MACO1: variants seen among roughly 807,000 people sequenced by gnomAD.
The protein encoded by MACO1 is macoilin 1.
Under a neutral mutation model 78.7 loss-of-function variants are expected in MACO1, and 14 were observed. The observed-to-expected ratio is 0.18, with a 90% CI of 0.12 to 0.28. The LOEUF (loss-of-function observed/expected upper bound fraction) is 0.28. Ranked by LOEUF, MACO1 falls within the 10% of genes least tolerant of loss-of-function variation. MACO1 has a pLI of 1.00. For synonymous variants in MACO1, 288 were observed against 291.6 expected, an observed-to-expected ratio of 0.99 and a Z score of 0.12; for missense variants, 501 against 799.0, an observed-to-expected ratio of 0.63 and a Z score of 4.50.
intron 4 of MACO1, among the ~76,000 whole-genome samples, chr1:25,455,688 T>C (rs1234293849): frequency 6.6e-6 from 1 of 152,204 alleles, no homozygotes; most frequent in Non-Finnish European, 1.5e-5. Flanking sequence ...TTTAATTTGG[T>C]GATACAAACC....
rs563154153 is a variant in MACO1, at chr1:25,469,747, C to T, written c.1154+10855C>T. Among the ~76,000 whole-genome samples the T allele has an allele frequency of 5.7e-3, 862 of 151,558 alleles. 10 individuals are homozygous for T. Among genetic ancestry groups the T allele is most frequent in the African/African-American group, 0.019 (767 of 41,210 alleles). ...TGTCTTCTGGGTTCAAGTGATTCTCCTGCCTCAGCCTCCCGAGTAGCTGGG... is the reference window on the plus strand; with the variant it reads ...TGTCTTCTGGGTTCAAGTGATTCTCTTGCCTCAGCCTCCCGAGTAGCTGGG... On this transcript the variant is annotated intron_variant, in intron 6 of 10. Transcript: ENST00000374343.
In MACO1 at chr1:25,484,254, G is replaced by A; in HGVS notation, c.1293G>A (p.Glu431=). The A allele has an allele frequency of 6.2e-7, 1 of 1,612,016 alleles. No homozygotes were observed. The highest frequency in any genetic ancestry group is 8.5e-7 in the Non-Finnish European group (1 of 1,179,496). The part of the protein sequence containing the change: ...IRSEMGQLRQ[E]NELLQNKLHN... ...CAGAAATGGGCCAGCTTCGGCAGGA[G>A]AACGAGCTGCTGCAGAACAAGTACG... Residue 431 remains glutamate, a synonymous_variant, in exon 7 of 11, where the codon GAG becomes GAA. Transcript: ENST00000374343.
intron 6 of MACO1, among the ~76,000 whole-genome samples, chr1:25,459,385 G>A (rs949534243): frequency 3.9e-5 from 6 of 152,110 alleles, no homozygotes; most frequent in Non-Finnish European, 8.8e-5. Flanking sequence ...CTCTGGGAAA[G>A]TTAGATTTGA....
chr1:25,485,550 C>A lies in MACO1; in HGVS notation c.1314-63C>A. The A allele has an allele frequency of 2.0e-6, 3 of 1,527,090 alleles. No individual in the cohort carries two copies. Among genetic ancestry groups the A allele is most frequent in the Non-Finnish European group, 2.6e-6 (3 of 1,133,766 alleles). The allele number at this position is 1,527,090 out of a possible 1,614,324, so 94.6% of individuals were successfully genotyped here. A position where few individuals can be genotyped will look rare whatever the true frequency, so the allele number is the denominator to read the frequency against. On this transcript the variant is annotated intron_variant, in intron 7 of 10. Transcript: ENST00000374343. This position sits in a 1 kb window ranked among gnomAD's most constrained non-coding sequence, Gnocchi z 4.3. The stretch of plus-strand genomic sequence containing the variant: ...GCCTTAAGGTGATAAAGAGATGTTT[C>A]TCAAGGGTTTATAGTGGGCATTTGT...
At chr1:25,475,105 G>A (rs1419798398) in intron 6 of MACO1, among the ~76,000 whole-genome samples, 1 of 152,206 alleles carries the variant, frequency 6.6e-6, no homozygotes, top group Non-Finnish European at 1.5e-5. Flanking sequence ...AGCACTTTGG[G>A]AGGCCGAGGC....
At chr1:25,493,144 C>G (rs1456163810) in intron 10 of MACO1, among the ~76,000 whole-genome samples, 3 of 152,134 alleles carry the variant, frequency 2.0e-5, no homozygotes, top group Non-Finnish European at 4.4e-5. Context: ...GTCTTAGGGA[C>G]CCCTTTACAC....
rs1004012085 is a variant in MACO1 at position 25,499,170 on chromosome 1, C to T, written c.*704C>T. On this transcript the variant is annotated 3_prime_UTR_variant, in exon 11 of 11. Transcript: ENST00000374343. ...TTCTTCACAGTGCCTTGGGAAAAGA[C>T]ATTTCAAGAGGAAACTTGATAATTT... 1 of 152,226 alleles carries T rather than the reference C, an allele frequency of 6.6e-6. No homozygotes were observed. Among genetic ancestry groups the T allele is most frequent in the Non-Finnish European group, 1.5e-5 (1 of 68,042 alleles). 9.4% of individuals were successfully genotyped at this position (152,226 alleles called of 1,614,324 possible). A position where few individuals can be genotyped will look rare whatever the true frequency, so the allele number is the denominator to read the frequency against.
At chr1:25,493,594 CA>C (rs1456458320) in intron 10 of MACO1, among the ~76,000 whole-genome samples, 2 of 151,944 alleles carry the variant, frequency 1.3e-5, no homozygotes, top group Non-Finnish European at 2.9e-5. Flanking sequence ...AAACATATTA[CA>C]TGTTAATATA....
At chr1:25,431,537 C>G (rs1356634609) in intron 1 of MACO1, among the ~76,000 whole-genome samples, 1 of 151,936 alleles carries the variant, frequency 6.6e-6, no homozygotes, top group South Asian at 2.1e-4. Flanking sequence ...GCTTCCGGGA[C>G]CTCTGACTGG....
In MACO1 at chr1:25,489,197, G is replaced by A; in HGVS notation, c.1521G>A (p.Arg507=). Residue 507 remains arginine, a synonymous_variant, in exon 9 of 11, where the codon CGG becomes CGA. Coordinates refer to ENST00000374343, the MANE Select transcript of MACO1 (RefSeq NM_018202.6). The stretch of plus-strand genomic sequence containing the variant: ...GGGGAGAATGCACCGAAACCTTACG[G>A]AATCGGATCAGAGAACTAGAAGCAG... The part of the protein sequence containing the change: ...ASRGECTETL[R]NRIRELEAEG... 1 of 1,613,918 alleles carries A rather than the reference G, an allele frequency of 6.2e-7. No individual in the cohort carries two copies. The highest frequency in any genetic ancestry group is 1.1e-5 in the South Asian group (1 of 91,070).
chr1:25,454,981 T>C (rs1218968984), intron 4 of MACO1, among the ~76,000 whole-genome samples: 1 of 152,162 alleles, frequency 6.6e-6, no homozygotes, highest in Non-Finnish European at 1.5e-5. Context: ...TCACTGCCTC[T>C]AAGCCATGGT....
chr1:25,498,756 C>A lies in MACO1; in HGVS notation c.*290C>A. The stretch of plus-strand genomic sequence containing the variant: ...TAGCCAACTTTGCCTTTTATGTATT[C>A]TTACATAGTTTCCTCTTGAAGAAAA... On this transcript the variant is annotated 3_prime_UTR_variant, in exon 11 of 11. Transcript: ENST00000374343. The A allele has an allele frequency of 6.3e-6, 2 of 315,944 alleles. No individual in the cohort carries two copies. Among genetic ancestry groups the A allele is most frequent in the East Asian group, 5.4e-5 (1 of 18,552 alleles). 19.6% of individuals were successfully genotyped at this position (315,944 alleles called of 1,614,324 possible). A position where few individuals can be genotyped will look rare whatever the true frequency, so the allele number is the denominator to read the frequency against.
intron 6 of MACO1, among the ~76,000 whole-genome samples, chr1:25,459,686 A>T (rs2043154525): frequency 1.3e-5 from 2 of 152,138 alleles, no homozygotes; most frequent in African/African-American, 4.8e-5. Flanking sequence ...CATGTTGCCC[A>T]GGCTGGTCTC....
chr1:25,455,920 T>TA (rs1341870128), intron 4 of MACO1, among the ~76,000 whole-genome samples: 1 of 152,094 alleles, frequency 6.6e-6, no homozygotes, highest in Non-Finnish European at 1.5e-5. Flanking sequence ...TTTTAACACT[T>TA]ATGTTTACTT....
At chr1:25,437,890 C>T (rs372384263) in intron 1 of MACO1, among the ~76,000 whole-genome samples, 3 of 152,068 alleles carry the variant, frequency 2.0e-5, no homozygotes, top group African/African-American at 7.2e-5. Context: ...CACTACACTC[C>T]AGCCTGGGCA....
chr1:25,433,405 C>T (rs918119296), intron 1 of MACO1, among the ~76,000 whole-genome samples: 2 of 152,106 alleles, frequency 1.3e-5, no homozygotes, highest in Non-Finnish European at 2.9e-5. Context: ...TGGTGATCAT[C>T]AAATTTAAGT....
chr1:25,494,173 T>G (rs2043514483), intron 10 of MACO1, among the ~76,000 whole-genome samples: 1 of 152,180 alleles, frequency 6.6e-6, no homozygotes, highest in South Asian at 2.1e-4. Flanking sequence ...GAAGGTAGTT[T>G]TGAGCCTGTG....
At chr1:25,449,544 AT>A (rs1014556933) in intron 3 of MACO1, among the ~76,000 whole-genome samples, 3 of 150,826 alleles carry the variant, frequency 2.0e-5, no homozygotes, top group South Asian at 2.1e-4. Flanking sequence ...AAAAATTTCT[AT>A]TTTTTTTTAA....
intron 3 of MACO1, among the ~76,000 whole-genome samples, chr1:25,450,410 C>A (rs2043055329): frequency 6.6e-6 from 1 of 152,016 alleles, no homozygotes; most frequent in Non-Finnish European, 1.5e-5. Flanking sequence ...CCGTGAAAGC[C>A]AGAGCTTGGT....
Sources: allele counts gnomAD v4.1 joint callset (sites outside exome capture counted in the v4.1 genomes callset), GRCh38; gene constraint gnomAD v4.1.1; non-coding constraint Gnocchi (gnomAD v3.1); transcripts MANE v1.5; gene names NCBI Gene and HGNC (gene_info 2026-07-23, HGNC 2026-07-21).